The following FGF13 variants were observed in gnomAD, a reference collection of about 807,000 sequenced individuals.
FGF13 encodes fibroblast growth factor homologous factor 2.
In FGF13, 2 loss-of-function variants were observed where a neutral mutation model predicts 19.5. The ratio of observed to expected loss-of-function variants is 0.10; its 90% CI spans 0.04 to 0.32. FGF13 has a LOEUF of 0.32. Ranked by LOEUF, FGF13 falls within the 10% of genes least tolerant of loss-of-function variation. The pLI is 1.00. For synonymous variants in FGF13, 72 were observed against 76.9 expected, an observed-to-expected ratio of 0.94 and a Z score of 0.33; for missense variants, 113 against 192.7, an observed-to-expected ratio of 0.59 and a Z score of 2.45.
At position 139,004,197 on chromosome X, in the gene FGF13, G is replaced by A. The variant is rs754731390; in HGVS notation, c.-112-139547C>T. 2.1e-4 allele frequency among the ~76,000 whole-genome samples: 24 copies of A among 112,961 alleles called. No individual in the cohort carries two copies. The East Asian group carries it at 6.2e-3, about 29-fold the overall frequency. On this transcript the variant is annotated intron_variant, in intron 1 of 2. Transcript: ENST00000421460. ...CAGGAAGGCAGCTAAGGCTCGGTGA[G>A]AAATCGAGCGCAGCGCCGGTGGGCT...
intron 3 of FGF13, among the ~76,000 whole-genome samples, chrX:138,815,233 G>T (rs2090953426): frequency 9.1e-6 from 1 of 110,383 alleles, no homozygotes; most frequent in Admixed American, 9.8e-5. Context: ...GGATTAGATA[G>T]GAGAAATAAG....
At chrX:139,039,328 G>A (rs1168996093) in intron 1 of FGF13, among the ~76,000 whole-genome samples, 1 of 111,864 alleles carries the variant, frequency 8.9e-6, no homozygotes, top group Non-Finnish European at 1.9e-5. Context: ...TGAGCCTGAA[G>A]GCAAAGCCCT....
chrX:139,021,415 T>C (rs1281649632), intron 1 of FGF13, among the ~76,000 whole-genome samples: 1 of 111,248 alleles, frequency 9.0e-6, no homozygotes, highest in Non-Finnish European at 1.9e-5. Flanking sequence ...CAAAATGGCA[T>C]ACTTATAAGG....
intron 3 of FGF13, among the ~76,000 whole-genome samples, chrX:138,655,142 T>C (rs1449139067): frequency 1.8e-5 from 2 of 112,021 alleles, no homozygotes; most frequent in Non-Finnish European, 3.8e-5. Context: ...GTTTTGTTAA[T>C]ACCCTTATCT....
chrX:139,116,691 GA>G (rs1315210041), intron 1 of FGF13, among the ~76,000 whole-genome samples: 38 of 110,878 alleles, frequency 3.4e-4, no homozygotes, highest in South Asian at 1.1e-3. Flanking sequence ...AGAGCGGGGG[GA>G]AAAAAATCCA....
At chrX:138,722,861 A>G (rs956524452) in intron 1 of FGF13, among the ~76,000 whole-genome samples, 1 of 111,742 alleles carries the variant, frequency 8.9e-6, no homozygotes, top group Non-Finnish European at 1.9e-5. Context: ...AACTAACAGG[A>G]ATAATAATAA....
At chrX:138,674,390 AG>A (rs2089644223) in intron 3 of FGF13, among the ~76,000 whole-genome samples, 1 of 112,008 alleles carries the variant, frequency 8.9e-6, no homozygotes, top group South Asian at 3.7e-4. Flanking sequence ...CAGCAGAACT[AG>A]TATAGATGCT....
At chrX:138,973,086 G>T (rs1334698199) in intron 1 of FGF13, among the ~76,000 whole-genome samples, 1 of 111,485 alleles carries the variant, frequency 9.0e-6, no homozygotes, top group East Asian at 2.8e-4. Flanking sequence ...CTAGCTCCTT[G>T]AGGTGTAATG....
intron 3 of FGF13, among the ~76,000 whole-genome samples, chrX:138,760,166 C>A (rs968155603): frequency 1.1e-4 from 12 of 110,901 alleles, no homozygotes; most frequent in Admixed American, 7.7e-4. Flanking sequence ...CACCGTTAAC[C>A]CAGATCGATG....
chrX:138,781,918 T>A (rs1291482262), intron 3 of FGF13, among the ~76,000 whole-genome samples: 1 of 112,040 alleles, frequency 8.9e-6, no homozygotes, highest in Non-Finnish European at 1.9e-5. Flanking sequence ...AATAAAATAC[T>A]GGCAAAACGA....
At chrX:139,115,449 C>T (rs1172805892) in intron 1 of FGF13, among the ~76,000 whole-genome samples, 2 of 111,634 alleles carry the variant, frequency 1.8e-5, no homozygotes, top group Non-Finnish European at 3.8e-5. Flanking sequence ...ATTTTGCGTC[C>T]ACATCGCCAT....
At chrX:138,983,414 T>TTATATATATATATATATACATA (rs2091972357) in intron 1 of FGF13, among the ~76,000 whole-genome samples, 5 of 81,196 alleles carry the variant, frequency 6.2e-5, no homozygotes, top group Non-Finnish European at 9.5e-5. Flanking sequence ...TAAGTTGATC[T>TTATATATATATATATATACATA]TATATATATA....
At position 138,795,143 on chromosome X, in the gene FGF13, A is replaced by C. The variant is rs1287902703; in HGVS notation, c.217+62369T>G. Among the ~76,000 whole-genome samples, 3 of 111,808 alleles carry C rather than the reference A, an allele frequency of 2.7e-5. No individual in the cohort carries two copies. In the East Asian group the frequency reaches 8.5e-4, roughly 32 times the overall value. ...CTACATAGGTTTAAGTTATTCATAAACCTGAGAAATAAGCACAGCCTGGAT... is the reference window on the plus strand; with the variant it reads ...CTACATAGGTTTAAGTTATTCATAACCCTGAGAAATAAGCACAGCCTGGAT... On this transcript the variant is annotated intron_variant, in intron 3 of 6. Coordinates refer to the FGF13 transcript ENST00000436198.
At chrX:139,108,681 CTTTTA>C (rs956499439) in intron 1 of FGF13, among the ~76,000 whole-genome samples, 6 of 110,086 alleles carry the variant, frequency 5.5e-5, no homozygotes, top group Non-Finnish European at 9.5e-5. Flanking sequence ...TTAATTTTAA[CTTTTA>C]TTTTAAGTTC....
chrX:138,857,644 T>C, exon 3 of FGF13: 1 of 1,204,229 alleles, frequency 8.3e-7, no homozygotes, highest in Non-Finnish European at 1.1e-6. Flanking sequence ...CGTAACATAA[T>C]GTATTCCTGT....
At chrX:139,039,804 A>G (rs926211390) in intron 1 of FGF13, among the ~76,000 whole-genome samples, 3 of 111,649 alleles carry the variant, frequency 2.7e-5, no homozygotes, top group Non-Finnish European at 5.6e-5. Context: ...TTATGAATGA[A>G]CTAAGTCTCC....
chrX:138,650,309 C>T (rs767828518), intron 3 of FGF13, among the ~76,000 whole-genome samples: 12 of 111,822 alleles, frequency 1.1e-4, no homozygotes, highest in African/African-American at 6.5e-5. Context: ...TCATTAGAAG[C>T]GGCAGCAGCT....
upstream of FGF13, chrX:139,204,180 T>A (rs893798698): frequency 3.1e-5 from 31 of 1,001,389 alleles, no homozygotes; most frequent in African/African-American, 3.8e-5. Context: ...CTTGGGAGAG[T>A]GCTTAGGGCG....
intron 1 of FGF13, among the ~76,000 whole-genome samples, chrX:139,083,752 T>A (rs1394794503): frequency 9.0e-6 from 1 of 111,446 alleles, no homozygotes; most frequent in East Asian, 2.8e-4. Context: ...GCGCCTGTAG[T>A]TCCAGCTACT....
Sources: allele counts gnomAD v4.1 joint callset (sites outside exome capture counted in the v4.1 genomes callset), GRCh38; gene constraint gnomAD v4.1.1; transcripts MANE v1.5; gene names NCBI Gene and HGNC (gene_info 2026-07-23, HGNC 2026-07-21).